Variants in C10orf143 observed in about 807,000 individuals in gnomAD.
C10orf143 encodes the protein uncharacterized protein C10orf143.
intron 3 of C10orf143, among the ~76,000 whole-genome samples, chr10:130,042,233 T>A (rs909602162): frequency 5.3e-5 from 8 of 152,254 alleles, no homozygotes; most frequent in African/African-American, 1.9e-4. Flanking sequence ...AAAATGTGCA[T>A]AGAGTTATCA....
At chr10:130,070,923 T>C (rs1378072047) in intron 3 of C10orf143, among the ~76,000 whole-genome samples, 2 of 151,962 alleles carry the variant, frequency 1.3e-5, no homozygotes, top group African/African-American at 4.8e-5. Context: ...TATTTTGTTT[T>C]GTTTTGTTTT....
intron 1 of C10orf143, among the ~76,000 whole-genome samples, chr10:130,087,427 A>G (rs951797035): frequency 1.3e-5 from 2 of 152,218 alleles, no homozygotes; most frequent in East Asian, 1.9e-4. Flanking sequence ...CATCCTCATC[A>G]GAGAAAGGTG....
Position 130,109,297 on chromosome 10 carries a change from G to A in C10orf143, c.69+1407C>T, listed in dbSNP as rs114378065. On this transcript the variant is annotated intron_variant, in intron 1 of 3. Transcript: ENST00000637128. ...TTTCTGTTTGTTTTTCTGCCATCTGGTAGCACAGTAGCAGTGAGCCACCCT... is the reference window on the plus strand; with the variant it reads ...TTTCTGTTTGTTTTTCTGCCATCTGATAGCACAGTAGCAGTGAGCCACCCT... Among the ~76,000 whole-genome samples, 513 of 152,232 alleles carry A rather than the reference G, an allele frequency of 3.4e-3. 3 individuals are homozygous for A. Among genetic ancestry groups the A allele is most frequent in the African/African-American group, 0.012 (491 of 41,542 alleles).
intron 3 of C10orf143, among the ~76,000 whole-genome samples, chr10:130,042,061 A>G (rs1860613711): frequency 6.6e-6 from 1 of 152,230 alleles, no homozygotes; most frequent in African/African-American, 2.4e-5. Context: ...ACACACGTGC[A>G]CACCCACACA....
chr10:130,057,026 T>A (rs1860804804), intron 3 of C10orf143, among the ~76,000 whole-genome samples: 2 of 151,512 alleles, frequency 1.3e-5, no homozygotes, highest in Admixed American at 1.3e-4. Context: ...TCGCTGAAAG[T>A]ACAGGCATAT....
At chr10:130,098,399 T>G (rs541922453) in intron 1 of C10orf143, among the ~76,000 whole-genome samples, 4 of 152,166 alleles carry the variant, frequency 2.6e-5, no homozygotes, top group Non-Finnish European at 5.9e-5. Context: ...TCTAAAAAGA[T>G]AGTAGCTATG....
chr10:130,036,769 C>T (rs1860549651), intron 3 of C10orf143, among the ~76,000 whole-genome samples: 1 of 152,184 alleles, frequency 6.6e-6, no homozygotes, highest in Non-Finnish European at 1.5e-5. Context: ...CTGTCCTGTG[C>T]TCCTTTCTCT....
intron 3 of C10orf143, chr10:130,068,473 T>G (rs1468729539): frequency 2.0e-5 from 3 of 151,966 alleles, no homozygotes; most frequent in African/African-American, 7.3e-5. Context: ...TCGCCAGGCA[T>G]GGTGGCACAC....
At chr10:130,053,857 T>C (rs1189138290) in intron 3 of C10orf143, among the ~76,000 whole-genome samples, 1 of 152,136 alleles carries the variant, frequency 6.6e-6, no homozygotes, top group Non-Finnish European at 1.5e-5. Context: ...TGTGGGTCCC[T>C]GGGAGAGTGG....
At chr10:130,081,089 T>C (rs1861200176) in intron 1 of C10orf143, among the ~76,000 whole-genome samples, 1 of 152,160 alleles carries the variant, frequency 6.6e-6, no homozygotes, top group African/African-American at 2.4e-5. Context: ...GACCCAACTA[T>C]ACAGATGTAC....
At chr10:130,036,141 T>A (rs138022467) in intron 3 of C10orf143, among the ~76,000 whole-genome samples, 93 of 152,304 alleles carry the variant, frequency 6.1e-4, no homozygotes, top group African/African-American at 2.1e-3. Context: ...CATAGGAATT[T>A]TAGGGGGACC....
intron 3 of C10orf143, among the ~76,000 whole-genome samples, chr10:130,072,827 C>T (rs986362584): frequency 6.6e-6 from 1 of 152,130 alleles, no homozygotes; most frequent in Admixed American, 6.6e-5. Flanking sequence ...ATGTACACAC[C>T]TTAATTTAAA....
intron 4 of C10orf143, chr10:130,035,852 A>G (rs1447548782): frequency 3.3e-5 from 5 of 152,060 alleles, no homozygotes; most frequent in Admixed American, 6.5e-5. Flanking sequence ...AACAACAGAA[A>G]CTCACTTTCT....
chr10:130,086,632 G>C (rs1419173334), intron 1 of C10orf143, among the ~76,000 whole-genome samples: 1 of 152,142 alleles, frequency 6.6e-6, no homozygotes, highest in Admixed American at 6.5e-5. Context: ...CAATCACCTG[G>C]ATTAAAGGGG....
At chr10:130,110,332 G>A (rs945947423) in intron 1 of C10orf143, among the ~76,000 whole-genome samples, 2 of 152,184 alleles carry the variant, frequency 1.3e-5, no homozygotes, top group East Asian at 3.9e-4. Context: ...ACGAGACTCA[G>A]GAACAGTCAG....
At chr10:130,082,782 G>T (rs1279859888) in intron 1 of C10orf143, among the ~76,000 whole-genome samples, 1 of 152,098 alleles carries the variant, frequency 6.6e-6, no homozygotes, top group African/African-American at 2.4e-5. Context: ...GATGCATTAG[G>T]GACCTGAATG....
rs925554877 is a variant in C10orf143 at position 130,098,815 on chromosome 10, G to A, written c.69+11889C>T. On this transcript the variant is annotated intron_variant, in intron 1 of 3. Transcript: ENST00000637128. Reference sequence around the variant, plus strand: ...AAATCAGAAATGATTGGCTGGGCGCGGTGGCTCATGCCTGTAATCCTAGCA... The same window carrying A: ...AAATCAGAAATGATTGGCTGGGCGCAGTGGCTCATGCCTGTAATCCTAGCA... Among the ~76,000 whole-genome samples the A allele has an allele frequency of 1.9e-4, 29 of 152,232 alleles. No homozygotes were observed. The South Asian group carries it at 4.1e-3, about 22-fold the overall frequency.
downstream of C10orf143, among the ~76,000 whole-genome samples, chr10:130,060,488 T>C (rs138561762): frequency 1.3e-5 from 2 of 152,286 alleles, no homozygotes; most frequent in Admixed American, 6.5e-5. Context: ...TAATCTAATA[T>C]ATATTAATTG....
chr10:130,090,964 TAGG>T (rs1362715702), intron 1 of C10orf143, among the ~76,000 whole-genome samples: 3 of 152,164 alleles, frequency 2.0e-5, no homozygotes, highest in Non-Finnish European at 4.4e-5. Flanking sequence ...GCAGAGCATC[TAGG>T]AGAAGGGGCA....
Sources: allele counts gnomAD v4.1 joint callset (sites outside exome capture counted in the v4.1 genomes callset), GRCh38; gene constraint gnomAD v4.1.1; transcripts MANE v1.5; gene names NCBI Gene and HGNC (gene_info 2026-07-23, HGNC 2026-07-21).